Variants in BET1L observed in about 807,000 individuals in gnomAD.
The protein encoded by BET1L is Bet1 golgi vesicular membrane trafficking protein like.
A neutral mutation model predicts 12.6 loss-of-function variants in BET1L; 13 were observed. The ratio of observed to expected loss-of-function variants is 1.03; its 90% CI spans 0.67 to 1.64. The LOEUF is 1.64. Among genes scored for constraint, BET1L ranks in the 40% most tolerant of loss-of-function variants. BET1L has a pLI of 0.00. For missense variants in BET1L, 154 were observed against 150.7 expected, an observed-to-expected ratio of 1.02 and a Z score of -0.11; for synonymous variants, 60 against 56.9, an observed-to-expected ratio of 1.05 and a Z score of -0.25.
intron 2 of BET1L, 122 bp downstream of exon 2, chr11:205,830 C>A: frequency 7.0e-7 from 1 of 1,435,298 alleles, no homozygotes; most frequent in Non-Finnish European, 9.6e-7. Flanking sequence ...TGCAGGTGAG[C>A]ACAGCCACGA....
intron 1 of BET1L, among the ~76,000 whole-genome samples, chr11:206,340 C>A (rs1564796491): frequency 6.6e-6 from 1 of 152,190 alleles, no homozygotes; most frequent in Non-Finnish European, 1.5e-5. Context: ...CCCTGGGGTG[C>A]TAGTATGATG....
In BET1L at chr11:206,008, G is replaced by C. The variant is rs144624940; in HGVS notation, c.55C>G (p.Arg19Gly). The C allele has an allele frequency of 3.7e-6, 6 of 1,613,978 alleles. No individual in the cohort carries two copies. In the Admixed American group the frequency reaches 1.0e-4, roughly 27 times the overall value. Residue 19 changes from arginine to glycine, a missense_variant, in exon 2 of 4, where the codon CGG (arginine) becomes GGG (glycine). Coordinates refer to ENST00000382762, the MANE Select transcript of BET1L (RefSeq NM_001098787.2). ...CTGTCAGCCATTCGCTTGTTCTCCCGGTCTAGAATCTCTTCCACAGCGCCC... is the reference window on the plus strand; with the variant it reads ...CTGTCAGCCATTCGCTTGTTCTCCCCGTCTAGAATCTCTTCCACAGCGCCC... ...SPGAVEEILD[R>G]ENKRMADSLA... is the part of the protein sequence containing the mutation.
chr11:207,297 G>A lies in BET1L; in HGVS notation c.19+6C>T. 5 of 1,539,688 alleles carry A rather than the reference G, an allele frequency of 3.2e-6. No individual in the cohort carries two copies. The highest frequency in any genetic ancestry group is 1.4e-5 in the African/African-American group (1 of 70,458). The stretch of plus-strand genomic sequence containing the variant: ...GCCCCCAACGGCTCCGCTCTCCCGC[G>A]CTCACCCCGAGCCCAGTCCGCCATC... On this transcript the variant is annotated splice_donor_region_variant and intron_variant, in intron 1 of 3. Coordinates refer to ENST00000382762, the MANE Select transcript of BET1L (RefSeq NM_001098787.2).
Position 205,367 on chromosome 11 carries a change from T to C in BET1L, c.271A>G (p.Met91Val). 2.5e-6 allele frequency: 4 copies of C among 1,614,168 alleles called. No individual in the cohort carries two copies. The highest frequency in any genetic ancestry group is 1.1e-5 in the South Asian group (1 of 91,078). ...GQDNRKLLCG[M>V]AVGLIVAFFI... ...AAGGCCACAATTAGACCCACGGCCA[T>C]GCCACATAGAAGCTTCCGGTTGTCT... Residue 91 changes from methionine to valine, a missense_variant, in exon 4 of 4, where the codon ATG becomes GTG. By Grantham distance (21) the Met-to-Val change is conservative. Coordinates refer to ENST00000382762, the MANE Select transcript of BET1L (RefSeq NM_001098787.2).
At chr11:207,002 C>T (rs867699125) in intron 1 of BET1L, 15 of 454,190 alleles carry the variant, frequency 3.3e-5, no homozygotes, top group Middle Eastern at 1.1e-3. Flanking sequence ...CCGACTCCCG[C>T]TCACCCCGAA....
In BET1L at chr11:203,172, ACT is replaced by A. The variant is rs976779347; in HGVS notation, c.*2128_*2129del. On this transcript the variant is annotated 3_prime_UTR_variant, in exon 4 of 4. Coordinates refer to ENST00000382762, the MANE Select transcript of BET1L (RefSeq NM_001098787.2). ...GGTTAGGGTCAGGGCCCCTCAGGAA[ACT>A]CTGGTCTGGCACAGCAGCAGCAGGG... 6.6e-6 allele frequency: 1 copy of A among 152,032 alleles called. No individual in the cohort carries two copies. The highest frequency in any genetic ancestry group is 1.5e-5 in the Non-Finnish European group (1 of 68,028). 9.4% of individuals were successfully genotyped at this position (152,032 alleles called of 1,614,324 possible).
At chr11:205,897 GATCCCCAT>G (rs1855139309) in intron 2 of BET1L, 47 bp downstream of exon 2, 15 of 1,578,954 alleles carry the variant, frequency 9.5e-6, no homozygotes, top group Non-Finnish European at 1.3e-5. Context: ...CCTTCCCTCT[GATCCCCAT>G]TCCCCAAAGG....
chr11:205,902 C>T, intron 2 of BET1L, 50 bp downstream of exon 2: 1 of 1,588,454 alleles, frequency 6.3e-7, no homozygotes, highest in Non-Finnish European at 8.6e-7. Flanking sequence ...CCTCTGATCC[C>T]CATTCCCCAA....
At chr11:207,207 C>A in intron 1 of BET1L, 96 bp downstream of exon 1, 1 of 1,455,130 alleles carries the variant, frequency 6.9e-7, no homozygotes, top group Non-Finnish European at 9.1e-7. Flanking sequence ...CGAGGTCACC[C>A]CAGCTGGGCC....
At position 207,328 on chromosome 11, in the gene BET1L, C is replaced by T; in HGVS notation, c.-7G>A. 1 of 1,428,112 alleles carries T rather than the reference C, an allele frequency of 7.0e-7. No individual in the cohort carries two copies. The highest frequency in any genetic ancestry group is 9.3e-7 in the Non-Finnish European group (1 of 1,069,710). The allele number at this position is 1,428,112 out of a possible 1,614,324, so 88.5% of individuals were successfully genotyped here. On this transcript the variant is annotated 5_prime_UTR_variant, in exon 1 of 4. Transcript: ENST00000382762. ...CCCGAGCCCAGTCCGCCATCGTGCCCTGCCCCGGCTCCTCGACGCGGACAC... is the reference window on the plus strand; with the variant it reads ...CCCGAGCCCAGTCCGCCATCGTGCCTTGCCCCGGCTCCTCGACGCGGACAC...
At chr11:207,112 G>T in intron 1 of BET1L, 191 bp downstream of exon 1, 2 of 721,392 alleles carry the variant, frequency 2.8e-6, no homozygotes, top group South Asian at 4.5e-5. Context: ...CGCGCCTTCG[G>T]TCCTAACGGC....
rs1590069960 is a variant in BET1L, at chr11:205,182, C to A, written c.*120G>T. On this transcript the variant is annotated 3_prime_UTR_variant, in exon 4 of 4. Coordinates refer to ENST00000382762, the MANE Select transcript of BET1L (RefSeq NM_001098787.2). ...CCTCCTGCCACACAGGAAGAAGATT[C>A]CTGACCCACAATTATCATTGCAAAG... 3.0e-6 allele frequency: 4 copies of A among 1,327,412 alleles called. No homozygotes were observed. The East Asian group carries it at 7.6e-5, about 25-fold the overall frequency. 82.2% of individuals were successfully genotyped at this position (1,327,412 alleles called of 1,614,324 possible). A position where few individuals can be genotyped will look rare whatever the true frequency, so the allele number is the denominator to read the frequency against.
In BET1L at chr11:203,831, G is replaced by A. The variant is rs943169869; in HGVS notation, c.*1471C>T. On this transcript the variant is annotated 3_prime_UTR_variant, in exon 4 of 4. Coordinates refer to ENST00000382762, the MANE Select transcript of BET1L (RefSeq NM_001098787.2). Reference sequence around the variant, plus strand: ...GAGCTTGCACTGCATAGGGCAAGAAGAAGGTGGACCCCACTCCTCCAGGAG... The same window carrying A: ...GAGCTTGCACTGCATAGGGCAAGAAAAAGGTGGACCCCACTCCTCCAGGAG... 2.6e-5 allele frequency: 4 copies of A among 153,194 alleles called. No homozygotes were observed. The highest frequency in any genetic ancestry group is 9.6e-5 in the African/African-American group (4 of 41,476). 9.5% of individuals were successfully genotyped at this position (153,194 alleles called of 1,614,324 possible).
rs965683417 is a variant in BET1L at position 203,469 on chromosome 11, A to G, written c.*1833T>C. 2 of 152,544 alleles carry G rather than the reference A, an allele frequency of 1.3e-5. No individual in the cohort carries two copies. Among genetic ancestry groups the G allele is most frequent in the African/African-American group, 4.8e-5 (2 of 41,462 alleles). 9.4% of individuals were successfully genotyped at this position (152,544 alleles called of 1,614,324 possible). ...ACCATGGAAAGAGCACCTGGGGTGT[A>G]GCTGGTTACCACAGCTCAGCCACAT... On this transcript the variant is annotated 3_prime_UTR_variant, in exon 4 of 4. Transcript: ENST00000382762.
chr11:205,837 A>G, intron 2 of BET1L, 115 bp downstream of exon 2: 2 of 1,443,982 alleles, frequency 1.4e-6, no homozygotes, highest in South Asian at 1.2e-5. Flanking sequence ...GAGCACAGCC[A>G]CGAATTGGAT....
intron 1 of BET1L, among the ~76,000 whole-genome samples, chr11:206,421 T>G (rs3782119): frequency 0.13 from 20,186 of 152,230 alleles, 1,618 homozygotes; most frequent in South Asian, 0.34. Flanking sequence ...GAGTAAACTC[T>G]GCTAAGAGCA....
chr11:206,616 G>A (rs1020697118), intron 1 of BET1L, among the ~76,000 whole-genome samples: 9 of 152,134 alleles, frequency 5.9e-5, no homozygotes, highest in Non-Finnish European at 1.3e-4. Context: ...GGTCGACCAG[G>A]AGCGGGATCC....
At chr11:206,278 G>T (rs892473521) in intron 1 of BET1L, among the ~76,000 whole-genome samples, 3 of 152,200 alleles carry the variant, frequency 2.0e-5, no homozygotes, top group African/African-American at 4.8e-5. Flanking sequence ...ACCCACAATG[G>T]GTTCGGTCCA....
intron 1 of BET1L, among the ~76,000 whole-genome samples, chr11:206,709 G>A (rs972804212): frequency 6.6e-6 from 1 of 152,184 alleles, no homozygotes; most frequent in African/African-American, 2.4e-5. Context: ...GGCTGGGCCA[G>A]GGGATAAGGA....
Sources: allele counts gnomAD v4.1 joint callset (sites outside exome capture counted in the v4.1 genomes callset), GRCh38; gene constraint gnomAD v4.1.1; transcripts MANE v1.5; gene names NCBI Gene and HGNC (gene_info 2026-07-23, HGNC 2026-07-21).